Variants in KCNIP3 observed in about 807,000 individuals in gnomAD.
KCNIP3 encodes the protein calsenilin.
KCNIP3 carries 28 observed loss-of-function variants against 35.0 expected under a neutral mutation model. That is an observed-to-expected ratio of 0.80 (90% CI 0.59 to 1.10). The LOEUF (loss-of-function observed/expected upper bound fraction) is 1.10. Among genes scored for constraint, KCNIP3 ranks in the 50% least tolerant of loss-of-function variants. The pLI is 0.00. For missense variants in KCNIP3, 295 were observed against 338.4 expected (o/e 0.87, Z 1.01); for synonymous variants, 134 against 133.8 (o/e 1.00, Z -0.01).
intron 2 of KCNIP3, among the ~76,000 whole-genome samples, chr2:95,331,329 T>C (rs765979338): frequency 1.1e-4 from 17 of 151,962 alleles, no homozygotes; most frequent in Non-Finnish European, 2.2e-4. Flanking sequence ...AACCAAGCTG[T>C]TATTCACTGT....
intron 2 of KCNIP3, among the ~76,000 whole-genome samples, chr2:95,354,715 G>C (rs1323813984): frequency 6.6e-6 from 1 of 152,262 alleles, no homozygotes; most frequent in Admixed American, 6.5e-5. Flanking sequence ...CTTGGGGCCT[G>C]TTGGGTCTGC....
intron 2 of KCNIP3, among the ~76,000 whole-genome samples, chr2:95,348,093 T>C (rs535871090): frequency 2.5e-3 from 380 of 152,288 alleles, no homozygotes; most frequent in Non-Finnish European, 4.4e-3. Flanking sequence ...TTTCCCAAAG[T>C]CCACAGCCAC....
intron 2 of KCNIP3, among the ~76,000 whole-genome samples, chr2:95,329,230 C>A (rs1319388511): frequency 4.6e-5 from 7 of 152,092 alleles, no homozygotes; most frequent in Non-Finnish European, 7.4e-5. Flanking sequence ...GCGGGCCAAG[C>A]CTCAGAGTGG....
intron 5 of KCNIP3, among the ~76,000 whole-genome samples, chr2:95,381,064 AC>A (rs1680324049): frequency 6.6e-6 from 1 of 152,096 alleles, no homozygotes; most frequent in South Asian, 2.1e-4. Context: ...GTTTTCAAGC[AC>A]CTTTGCCATG....
At chr2:95,308,134 C>T (rs983592310) in intron 1 of KCNIP3, among the ~76,000 whole-genome samples, 4 of 152,122 alleles carry the variant, frequency 2.6e-5, no homozygotes, top group South Asian at 2.1e-4. Context: ...GCATTGTACA[C>T]GTGTGTGTGC....
At chr2:95,362,486 C>T (rs1198500722) in intron 2 of KCNIP3, among the ~76,000 whole-genome samples, 1 of 152,166 alleles carries the variant, frequency 6.6e-6, no homozygotes, top group African/African-American at 2.4e-5. Flanking sequence ...TGGTTACCTC[C>T]TAAGGACCCT....
Position 95,382,333 on chromosome 2 carries a change from C to T in KCNIP3, c.556-44C>T, listed in dbSNP as rs762721127. On this transcript the variant is annotated intron_variant, in intron 6 of 8. Transcript: ENST00000295225. The surrounding 1 kb of genome is among the most constrained non-coding windows in gnomAD (Gnocchi z 4.5). ...GCCCGCTCCCTTTGGGCCCTCACAG[C>T]CACCCCGGCCTTGCAGCAGGCTCAT... 2.2e-6 allele frequency: 3 copies of T among 1,393,634 alleles called. No individual in the cohort carries two copies. The highest frequency in any genetic ancestry group is 2.9e-6 in the Non-Finnish European group (3 of 1,023,538). The allele number at this position is 1,393,634 out of a possible 1,614,324, so 86.3% of individuals were successfully genotyped here. A position where few individuals can be genotyped will look rare whatever the true frequency, so the allele number is the denominator to read the frequency against.
intron 2 of KCNIP3, among the ~76,000 whole-genome samples, chr2:95,369,052 C>G (rs1440092653): frequency 6.6e-6 from 1 of 151,996 alleles, no homozygotes; most frequent in Non-Finnish European, 1.5e-5. Context: ...GACCTTTTTT[C>G]TTGGGGGGGA....
chr2:95,346,611 GCCGCGCCC>G (rs1369556037), intron 2 of KCNIP3: 1 of 144,996 alleles, frequency 6.9e-6, no homozygotes, highest in African/African-American at 2.5e-5. Flanking sequence ...CGCCGCCGCC[GCCGCGCCC>G]CCGCGCCCCG....
intron 2 of KCNIP3, among the ~76,000 whole-genome samples, chr2:95,324,558 A>AATAAATAAAAG (rs1273024821): frequency 6.6e-6 from 1 of 151,650 alleles, no homozygotes; most frequent in East Asian, 1.9e-4. Context: ...ATAAATAAAA[A>AATAAATAAAAG]TAACGTGAGT....
rs1389766351 is a variant in KCNIP3, at chr2:95,375,123, C to T, written c.377-15C>T. On this transcript the variant is annotated splice_polypyrimidine_tract_variant and intron_variant, in intron 4 of 8. Transcript: ENST00000295225. ...CAGCCCCGACACACCCCAGCCTCTT[C>T]CTTGCCCTCCCCAGATGCCACCACC... 6.2e-7 allele frequency: 1 copy of T among 1,613,820 alleles called. No individual in the cohort carries two copies. The highest frequency in any genetic ancestry group is 8.5e-7 in the Non-Finnish European group (1 of 1,179,818).
chr2:95,331,952 T>G (rs1267661900), intron 2 of KCNIP3, among the ~76,000 whole-genome samples: 1 of 152,202 alleles, frequency 6.6e-6, no homozygotes, highest in Non-Finnish European at 1.5e-5. Context: ...GACGCTGACA[T>G]GCAGCGTCTG....
chr2:95,347,004 G>A, intron 2 of KCNIP3: 1 of 1,594,008 alleles, frequency 6.3e-7, no homozygotes, highest in Non-Finnish European at 8.5e-7. Context: ...CAGGGCCCCA[G>A]GCAGCCCGGC....
chr2:95,340,629 T>G (rs868868519), intron 2 of KCNIP3, among the ~76,000 whole-genome samples: 24 of 152,338 alleles, frequency 1.6e-4, no homozygotes, highest in Middle Eastern at 3.4e-3. Context: ...GAGGGGATTT[T>G]TCATGAGAAG....
In KCNIP3 at chr2:95,374,355, C is replaced by T; in HGVS notation, c.241C>T (p.Gln81Ter). 6.2e-7 allele frequency: 1 copy of T among 1,614,176 alleles called. No individual in the cohort carries two copies. The highest frequency in any genetic ancestry group is 8.5e-7 in the Non-Finnish European group (1 of 1,179,996). Residue 81 changes from glutamine (Q) to a stop codon, truncating the protein, a stop_gained, in exon 3 of 9, where the codon CAG becomes TAG. Coordinates refer to ENST00000295225, the MANE Select transcript of KCNIP3 (RefSeq NM_013434.5). LOFTEE classifies it high-confidence loss of function. ...GCGCCACCAGCCAGAGGGGCTGGAC[C>T]AGCTGCAGGCCCAGACCAAGTTCAC... ...TVRHQPEGLD[Q>*]LQAQTKFTKK...
In KCNIP3 at chr2:95,339,000, C is replaced by T. The variant is rs550991545; in HGVS notation, c.181+28480C>T. ...CAAAGAGAGACCCATCTGTACAGGC[C>T]GATGGGACACAGCCTGGAGCCTTTG... On this transcript the variant is annotated intron_variant, in intron 2 of 8. Coordinates refer to ENST00000295225, the MANE Select transcript of KCNIP3 (RefSeq NM_013434.5). Among the ~76,000 whole-genome samples, 3 of 152,308 alleles carry T rather than the reference C, an allele frequency of 2.0e-5. No individual in the cohort carries two copies. In the South Asian group the frequency reaches 6.2e-4, roughly 32 times the overall value.
intron 2 of KCNIP3, among the ~76,000 whole-genome samples, chr2:95,326,650 G>T (rs1359885255): frequency 6.6e-6 from 1 of 152,218 alleles, no homozygotes; most frequent in Non-Finnish European, 1.5e-5. Flanking sequence ...TTGTTCCCCG[G>T]TCTCCCCAGA....
chr2:95,305,357 A>G (rs1467594014), intron 1 of KCNIP3, among the ~76,000 whole-genome samples: 1 of 152,202 alleles, frequency 6.6e-6, no homozygotes, highest in Non-Finnish European at 1.5e-5. Flanking sequence ...GTAGATTCAC[A>G]TGCAGTTGCA....
intron 2 of KCNIP3, among the ~76,000 whole-genome samples, chr2:95,354,806 A>G (rs1484400598): frequency 1.3e-5 from 2 of 151,436 alleles, no homozygotes; most frequent in Admixed American, 6.6e-5. Flanking sequence ...TTCCCCCAAC[A>G]CCCTCTCCCA....
Sources: allele counts gnomAD v4.1 joint callset (sites outside exome capture counted in the v4.1 genomes callset), GRCh38; gene constraint gnomAD v4.1.1; non-coding constraint Gnocchi (gnomAD v3.1); transcripts MANE v1.5; gene names NCBI Gene and HGNC (gene_info 2026-07-23, HGNC 2026-07-21).